The following LOC128092252 variants were observed in gnomAD, a reference collection of about 807,000 sequenced individuals.
chr15:50,652,319 A>G, the LOC128092252 span, among the ~76,000 whole-genome samples: 1 of 112,872 alleles, frequency 8.9e-6, no homozygotes, highest in African/African-American at 3.6e-5. Context: ...GCTGAGTGAG[A>G]CTCCATCTCA....
At chr15:50,657,949 G>A in the LOC128092252 span, 1 of 590,972 alleles carries the variant, frequency 1.7e-6, no homozygotes, top group Non-Finnish European at 3.0e-6. Flanking sequence ...AGATATTATA[G>A]TTCACGTATA....
the LOC128092252 span, among the ~76,000 whole-genome samples, chr15:50,655,536 T>C: frequency 6.6e-6 from 1 of 150,810 alleles, no homozygotes; most frequent in Non-Finnish European, 1.5e-5. Context: ...AGAATCACTC[T>C]CAGGCATATT....
chr15:50,667,534 C>T, the LOC128092252 span, among the ~76,000 whole-genome samples: 4 of 152,146 alleles, frequency 2.6e-5, no homozygotes, highest in African/African-American at 9.7e-5. Flanking sequence ...TGTAAAACCC[C>T]ACCTCTACTA....
chr15:50,662,748 G>C, the LOC128092252 span, among the ~76,000 whole-genome samples: 1 of 152,188 alleles, frequency 6.6e-6, no homozygotes, highest in Non-Finnish European at 1.5e-5. Context: ...TCAAGGAAGA[G>C]ATTGTATGCT....
the LOC128092252 span, among the ~76,000 whole-genome samples, chr15:50,651,274 G>C: frequency 3.9e-5 from 6 of 152,122 alleles, no homozygotes; most frequent in African/African-American, 1.4e-4. Flanking sequence ...ACTAAATGAA[G>C]ACCAGAAAAG....
At chr15:50,678,873 C>A in the LOC128092252 span, among the ~76,000 whole-genome samples, 7 of 150,290 alleles carry the variant, frequency 4.7e-5, no homozygotes, top group Non-Finnish European at 1.0e-4. Flanking sequence ...TTTGCAAAAA[C>A]AAAAAAAAAA....
At chr15:50,658,054 G>C in the LOC128092252 span, among the ~76,000 whole-genome samples, 6 of 149,570 alleles carry the variant, frequency 4.0e-5, no homozygotes, top group Non-Finnish European at 5.9e-5. Context: ...GCCCAGGCTG[G>C]AGTCCAATGG....
the LOC128092252 span, among the ~76,000 whole-genome samples, chr15:50,669,821 A>G: frequency 1.3e-5 from 2 of 152,122 alleles, no homozygotes; most frequent in East Asian, 3.9e-4. Context: ...AATCTGGATC[A>G]ATATTCTAAT....
At chr15:50,650,619 T>C in the LOC128092252 span, among the ~76,000 whole-genome samples, 1 of 151,838 alleles carries the variant, frequency 6.6e-6, no homozygotes, top group Admixed American at 6.6e-5. Context: ...CGCTTGAACC[T>C]GGGAGGCAGA....
chr15:50,682,015 T>C, the LOC128092252 span, among the ~76,000 whole-genome samples: 1 of 151,508 alleles, frequency 6.6e-6, no homozygotes, highest in Non-Finnish European at 1.5e-5. Flanking sequence ...CTGTCTCTAC[T>C]AAAAGTACAA....
At chr15:50,684,497 C>T in the LOC128092252 span, among the ~76,000 whole-genome samples, 2 of 151,744 alleles carry the variant, frequency 1.3e-5, no homozygotes, top group African/African-American at 2.4e-5. Context: ...AAAAATTAGC[C>T]GGGTGTGGTG....
At chr15:50,665,844 T>C in the LOC128092252 span, among the ~76,000 whole-genome samples, 2 of 151,846 alleles carry the variant, frequency 1.3e-5, no homozygotes, top group Non-Finnish European at 2.9e-5. Flanking sequence ...AATACAAAAA[T>C]TAGCAGAGTG....
chr15:50,650,378 T>C, the LOC128092252 span, among the ~76,000 whole-genome samples: 1 of 151,392 alleles, frequency 6.6e-6, no homozygotes, highest in African/African-American at 2.4e-5. Flanking sequence ...AAAAAAAGTA[T>C]CATTAAATTA....
chr15:50,658,759 G>T, the LOC128092252 span, among the ~76,000 whole-genome samples: 4 of 152,140 alleles, frequency 2.6e-5, no homozygotes, highest in East Asian at 7.7e-4. Flanking sequence ...TGTAGTATAC[G>T]TATAAAATGA....
the LOC128092252 span, among the ~76,000 whole-genome samples, chr15:50,665,522 T>C: frequency 6.6e-6 from 1 of 152,134 alleles, no homozygotes; most frequent in Non-Finnish European, 1.5e-5. Context: ...ATAAAAATTT[T>C]AAACCACCAA....
chr15:50,677,416 A>AAC, the LOC128092252 span, among the ~76,000 whole-genome samples: 54 of 151,310 alleles, frequency 3.6e-4, no homozygotes, highest in South Asian at 2.5e-3. Context: ...CAACAACAAC[A>AAC]ACACACACAC....
chr15:50,658,278 T>G, the LOC128092252 span, among the ~76,000 whole-genome samples: 3 of 152,070 alleles, frequency 2.0e-5, no homozygotes, highest in Non-Finnish European at 4.4e-5. Context: ...GTGCTAGGAT[T>G]ACAGGTGTGA....
chr15:50,656,708 C>A, the LOC128092252 span, among the ~76,000 whole-genome samples: 4 of 152,012 alleles, frequency 2.6e-5, no homozygotes, highest in East Asian at 7.7e-4. Context: ...TAAACCCATT[C>A]TATGTACTTT....
chr15:50,678,264 C>G, the LOC128092252 span, among the ~76,000 whole-genome samples: 1 of 128,058 alleles, frequency 7.8e-6, no homozygotes, highest in African/African-American at 2.8e-5. Context: ...AAAACAAAAA[C>G]AAAAACAAAA....
Sources: allele counts gnomAD v4.1 joint callset (sites outside exome capture counted in the v4.1 genomes callset), GRCh38; gene constraint gnomAD v4.1.1; transcripts MANE v1.5.